The following PCMTD1 variants were observed in gnomAD, a reference collection of about 807,000 sequenced individuals.
The protein encoded by PCMTD1 is protein-L-isoaspartate O-methyltransferase domain-containing protein 1.
PCMTD1 carries 12 observed loss-of-function variants against 37.6 expected under a neutral mutation model. The ratio of observed to expected loss-of-function variants is 0.32; its 90% CI spans 0.20 to 0.52. PCMTD1 has a LOEUF of 0.52. Among genes scored for constraint, PCMTD1 ranks in the 20% least tolerant of loss-of-function variants. PCMTD1 has a pLI of 0.97. For missense variants in PCMTD1, 235 were observed against 421.3 expected (o/e 0.56, Z 3.87); for synonymous variants, 117 against 135.8 (o/e 0.86, Z 0.96).
chr8:51,888,516 C>G (rs1034874670), intron 1 of PCMTD1, among the ~76,000 whole-genome samples: 5 of 152,054 alleles, frequency 3.3e-5, no homozygotes, highest in Non-Finnish European at 5.9e-5. Flanking sequence ...CAGGCCCTGA[C>G]CTTTATAAAT....
At chr8:51,823,339 C>T (rs1585780634) in intron 5 of PCMTD1, among the ~76,000 whole-genome samples, 1 of 152,158 alleles carries the variant, frequency 6.6e-6, no homozygotes, top group African/African-American at 2.4e-5. Context: ...TGGTACACGC[C>T]TGTATTCCCA....
chr8:51,867,163 T>C (rs1385540819), intron 1 of PCMTD1, among the ~76,000 whole-genome samples: 2 of 152,046 alleles, frequency 1.3e-5, no homozygotes, highest in African/African-American at 4.8e-5. Flanking sequence ...CCTGTCAGAA[T>C]GGCTATCATC....
intron 1 of PCMTD1, among the ~76,000 whole-genome samples, chr8:51,895,634 T>C (rs947172686): frequency 1.4e-4 from 21 of 151,994 alleles, no homozygotes; most frequent in Admixed American, 1.1e-3. Flanking sequence ...CACATACACA[T>C]AGTGTTTGAT....
intron 2 of PCMTD1, among the ~76,000 whole-genome samples, chr8:51,857,604 C>T (rs1428310715): frequency 3.9e-5 from 6 of 152,014 alleles, no homozygotes; most frequent in African/African-American, 9.7e-5. Flanking sequence ...GAGAATGAAA[C>T]GACAGTACTG....
In PCMTD1 at chr8:51,819,588, T is replaced by C. The variant is rs375664402; in HGVS notation, c.*763A>G. 7.7e-5 allele frequency: 8 copies of C among 104,350 alleles called. No individual in the cohort carries two copies. The highest frequency in any genetic ancestry group is 0.01 in the Middle Eastern group (2 of 194). 6.5% of individuals were successfully genotyped at this position (104,350 alleles called of 1,614,324 possible). On this transcript the variant is annotated 3_prime_UTR_variant, in exon 6 of 6. Transcript: ENST00000522514. ...TTCTAAATATACTTTTAAAATTCTATAGAGTTAAGATAACCTCATTTTTTT... is the reference window on the plus strand; with the variant it reads ...TTCTAAATATACTTTTAAAATTCTACAGAGTTAAGATAACCTCATTTTTTT...
At chr8:51,892,432 A>G (rs1271332024) in intron 1 of PCMTD1, among the ~76,000 whole-genome samples, 2 of 152,220 alleles carry the variant, frequency 1.3e-5, no homozygotes, top group African/African-American at 2.4e-5. Flanking sequence ...GCTTCTAGCA[A>G]ATGTCTTCAC....
chr8:51,818,740 T>C lies in PCMTD1; in HGVS notation c.*1611A>G, dbSNP rs1436941198. 1 of 152,320 alleles carries C rather than the reference T, an allele frequency of 6.6e-6. No individual in the cohort carries two copies. The highest frequency in any genetic ancestry group is 2.4e-5 in the African/African-American group (1 of 41,484). The allele number at this position is 152,320 out of a possible 1,614,324, so 9.4% of individuals were successfully genotyped here. ...TGTCTTTCACATAACTAAAATATCC[T>C]CACTTACTTGGAACAATTTCATGCT... On this transcript the variant is annotated 3_prime_UTR_variant, in exon 6 of 6. Coordinates refer to ENST00000522514, the MANE Select transcript of PCMTD1 (RefSeq NM_052937.4).
chr8:51,844,669 G>A (rs1296067163), intron 3 of PCMTD1: 2 of 152,220 alleles, frequency 1.3e-5, no homozygotes, highest in South Asian at 2.1e-4. Context: ...GGCAGGAGGG[G>A]GAAAATAAAC....
In PCMTD1 at chr8:51,881,641, A is replaced by G. The variant is rs547301870; in HGVS notation, c.-96+17289T>C. Among the ~76,000 whole-genome samples the G allele has an allele frequency of 9.2e-4, 61 of 66,646 alleles. 1 individual carries two copies. The highest frequency in any genetic ancestry group is 1.9e-3 in the Non-Finnish European group (24 of 12,706). The allele number at this position is 66,646 out of a possible 152,430, so 43.7% of individuals were successfully genotyped here. A position where few individuals can be genotyped will look rare whatever the true frequency, so the allele number is the denominator to read the frequency against. ...TTACTACACTTAGTAGTTGCCTGGC[A>G]TTCAACCAACTGTTTTAGAATTGTC... On this transcript the variant is annotated intron_variant, in intron 1 of 5. Transcript: ENST00000522514.
intron 2 of PCMTD1, among the ~76,000 whole-genome samples, chr8:51,851,183 A>AT (rs978970560): frequency 1.3e-5 from 2 of 152,220 alleles, no homozygotes; most frequent in Admixed American, 1.3e-4. Context: ...AGCTAATAAG[A>AT]TCAGACCTTG....
chr8:51,852,855 G>T lies in PCMTD1; in HGVS notation c.308-7092C>A, dbSNP rs1406766991. 3.3e-5 allele frequency among the ~76,000 whole-genome samples: 5 copies of T among 152,298 alleles called. No individual in the cohort carries two copies. The East Asian group carries it at 9.7e-4, about 29-fold the overall frequency. ...AAACAGAGGAGAAAGAAGAGAATTT[G>T]TTAAACTTTTTGTCACGTGTGGAAG... On this transcript the variant is annotated intron_variant, in intron 2 of 5. Transcript: ENST00000522514.
At chr8:51,830,992 T>G (rs2037989072) in intron 5 of PCMTD1, among the ~76,000 whole-genome samples, 1 of 75,534 alleles carries the variant, frequency 1.3e-5, no homozygotes, top group South Asian at 5.7e-4. Context: ...AGGGCTTTAT[T>G]TTACCAAAAA....
intron 2 of PCMTD1, chr8:51,848,799 C>T (rs1441525595): frequency 1.3e-5 from 2 of 152,016 alleles, no homozygotes; most frequent in African/African-American, 4.8e-5. Context: ...GAATTGTAAA[C>T]ACCATTTATG....
intron 1 of PCMTD1, among the ~76,000 whole-genome samples, chr8:51,876,572 T>A (rs2038716118): frequency 6.6e-6 from 1 of 152,200 alleles, no homozygotes; most frequent in Non-Finnish European, 1.5e-5. Context: ...CTAGGGTTCC[T>A]TGGTAAAATG....
At position 51,820,490 on chromosome 8, in the gene PCMTD1, T is replaced by A. The variant is rs12335014; in HGVS notation, c.935A>T (p.Asn312Ile). The A allele has an allele frequency of 0.64, 1,025,855 of 1,613,270 alleles. 338,853 individuals carry two copies. Among genetic ancestry groups the A allele is most frequent in the Non-Finnish European group, 0.68 (801,853 of 1,179,586 alleles). Residue 312 changes from asparagine to isoleucine, a missense_variant, in exon 6 of 6, where the codon AAC becomes ATC. This residue lies in a region of PCMTD1 where 41 missense variants were observed against 36.4 expected (regional missense o/e 1.13). Coordinates refer to ENST00000522514, the MANE Select transcript of PCMTD1 (RefSeq NM_052937.4). Reference protein sequence around the residue: ...SEEDEKMEEDNKEEEEKDHNE... With the variant: ...SEEDEKMEEDIKEEEEKDHNE... The stretch of plus-strand genomic sequence containing the variant: ...GTGATCTTTTTCCTCCTCTTCTTTG[T>A]TATCCTCTTCCATTTTTTCATCCTC...
chr8:51,897,491 T>C (rs553879202), intron 1 of PCMTD1, among the ~76,000 whole-genome samples: 7 of 152,224 alleles, frequency 4.6e-5, no homozygotes, highest in Non-Finnish European at 8.8e-5. Context: ...ACTGACCATA[T>C]GGAATTAAAA....
intron 1 of PCMTD1, among the ~76,000 whole-genome samples, chr8:51,861,977 G>C (rs1453416979): frequency 6.6e-6 from 1 of 152,142 alleles, no homozygotes; most frequent in South Asian, 2.1e-4. Context: ...GCCGCACAAA[G>C]TGCTGGGATA....
rs1030371615 is a variant in PCMTD1, at chr8:51,849,980, C to G, written c.308-4217G>C. 1.5e-5 allele frequency: 10 copies of G among 683,014 alleles called. No individual in the cohort carries two copies. In the African/African-American group the frequency reaches 1.6e-4, roughly 11 times the overall value. The allele number at this position is 683,014 out of a possible 1,614,324, so 42.3% of individuals were successfully genotyped here. ...CCTTTAGTATTTTGTGTAAAGCTAA[C>G]TTACAGAACATAGCCACAGGCAAAA... On this transcript the variant is annotated intron_variant, in intron 2 of 5. Coordinates refer to ENST00000522514, the MANE Select transcript of PCMTD1 (RefSeq NM_052937.4).
intron 3 of PCMTD1, among the ~76,000 whole-genome samples, chr8:51,837,817 T>C (rs991268332): frequency 6.6e-6 from 1 of 152,218 alleles, no homozygotes; most frequent in Admixed American, 6.5e-5. Context: ...TCTTGCTTTG[T>C]TGCCCAGGCT....
Sources: allele counts gnomAD v4.1 joint callset (sites outside exome capture counted in the v4.1 genomes callset), GRCh38; gene constraint gnomAD v4.1.1; regional missense constraint gnomAD v4.1.1; transcripts MANE v1.5; gene names NCBI Gene and HGNC (gene_info 2026-07-23, HGNC 2026-07-21).